Variants in SPOCK1 observed in about 807,000 individuals in gnomAD.
The protein encoded by SPOCK1 is SPARC (osteonectin), cwcv and kazal like domains proteoglycan 1.
Under a neutral mutation model 55.3 loss-of-function variants are expected in SPOCK1, and 23 were observed. The observed-to-expected ratio is 0.42, with a 90% CI of 0.30 to 0.59. SPOCK1 has a LOEUF of 0.59. Among genes scored for constraint, SPOCK1 ranks in the 20% least tolerant of loss-of-function variants. SPOCK1 has a pLI of 0.22. For missense variants in SPOCK1, 499 were observed against 552.5 expected (o/e 0.90, Z 0.97); for synonymous variants, 226 against 221.0 (o/e 1.02, Z -0.20).
At chr5:137,206,082 A>G (rs1016470188) in intron 3 of SPOCK1, among the ~76,000 whole-genome samples, 3 of 152,232 alleles carry the variant, frequency 2.0e-5, no homozygotes, top group Non-Finnish European at 4.4e-5. Context: ...ACTCAAAAGC[A>G]AGATTCAATA....
intron 3 of SPOCK1, among the ~76,000 whole-genome samples, chr5:137,266,260 G>A (rs1030782076): frequency 6.6e-6 from 1 of 152,172 alleles, no homozygotes; most frequent in Non-Finnish European, 1.5e-5. Context: ...AGGTAATACT[G>A]TTTCATTGTG....
At chr5:136,979,276 G>A (rs1251056652) in intron 10 of SPOCK1, 56 bp downstream of exon 10, 20 of 1,609,328 alleles carry the variant, frequency 1.2e-5, no homozygotes, top group Non-Finnish European at 1.6e-5. Flanking sequence ...CTTATGCAGT[G>A]AGGAACCACA....
intron 6 of SPOCK1, among the ~76,000 whole-genome samples, chr5:137,005,844 T>C (rs1751237327): frequency 6.6e-6 from 1 of 152,126 alleles, no homozygotes; most frequent in Non-Finnish European, 1.5e-5. Context: ...TAATTTAAAA[T>C]ACAATTCATT....
intron 7 of SPOCK1, chr5:136,988,878 G>GA (rs1190098230): frequency 2.9e-5 from 12 of 419,836 alleles, no homozygotes; most frequent in Non-Finnish European, 4.7e-5. Flanking sequence ...TTCTAAAGGG[G>GA]AAAAATCCCC....
At chr5:137,416,546 A>C (rs760692269) in intron 2 of SPOCK1, among the ~76,000 whole-genome samples, 1 of 152,166 alleles carries the variant, frequency 6.6e-6, no homozygotes, top group Non-Finnish European at 1.5e-5. Context: ...CAAAAATAAT[A>C]ACGGAACTTG....
chr5:137,297,662 G>A (rs1757515104), intron 2 of SPOCK1, among the ~76,000 whole-genome samples: 1 of 152,096 alleles, frequency 6.6e-6, no homozygotes, highest in African/African-American at 2.4e-5. Flanking sequence ...GAACAGGGTG[G>A]GGAGGTGGGA....
chr5:137,307,548 C>A (rs1461440988), intron 2 of SPOCK1, among the ~76,000 whole-genome samples: 1 of 152,168 alleles, frequency 6.6e-6, no homozygotes, highest in Non-Finnish European at 1.5e-5. Flanking sequence ...GGGTAACACT[C>A]ATAATGGTTT....
Position 136,988,503 on chromosome 5 carries a change from G to T in SPOCK1, c.847C>A (p.Pro283Thr), listed in dbSNP as rs762483512. ...AAGGAGTCACACGAGTTGAAAAGAG[G>T]CTTGATACAGGGCTCGTACTTATCC... ...YLDKYEPCIK[P>T]LFNSCDSFKD... is the part of the protein sequence containing the mutation. The change falls in exon 8 of 11, where the codon CCT becomes ACT. Residue 283 changes from proline (P) to threonine (T), a missense_variant. Transcript: ENST00000394945. 6.2e-7 allele frequency: 1 copy of T among 1,614,156 alleles called. No individual in the cohort carries two copies. The highest frequency in any genetic ancestry group is 8.5e-7 in the Non-Finnish European group (1 of 1,180,022).
intron 3 of SPOCK1, among the ~76,000 whole-genome samples, chr5:137,174,204 C>T (rs1300060198): frequency 6.6e-6 from 1 of 152,182 alleles, no homozygotes; most frequent in Non-Finnish European, 1.5e-5. Context: ...CTAAGCTTTC[C>T]TTCTGGAAAG....
intron 2 of SPOCK1, among the ~76,000 whole-genome samples, chr5:137,479,660 C>T (rs1047058466): frequency 8.5e-5 from 13 of 152,218 alleles, no homozygotes; most frequent in African/African-American, 2.2e-4. Flanking sequence ...TGTGAATGCA[C>T]GGAGATGGAG....
chr5:137,116,937 G>A (rs1435180091), intron 4 of SPOCK1, among the ~76,000 whole-genome samples: 1 of 151,970 alleles, frequency 6.6e-6, no homozygotes, highest in Non-Finnish European at 1.5e-5. Flanking sequence ...AGTTCCCCAG[G>A]AAGCCTCCTA....
intron 3 of SPOCK1, among the ~76,000 whole-genome samples, chr5:137,143,855 G>C (rs533419371): frequency 6.6e-6 from 1 of 152,178 alleles, no homozygotes; most frequent in African/African-American, 2.4e-5. Context: ...TTGCTAATGA[G>C]AGATGCAGGA....
intron 3 of SPOCK1, among the ~76,000 whole-genome samples, chr5:137,189,465 C>T (rs75293627): frequency 0.12 from 17,864 of 152,118 alleles, 1,236 homozygotes; most frequent in East Asian, 0.22. Context: ...AATGGAACAA[C>T]GAAGCTCAGA....
chr5:136,991,498 CT>C (rs1487824358), intron 7 of SPOCK1, among the ~76,000 whole-genome samples: 6 of 152,274 alleles, frequency 3.9e-5, no homozygotes, highest in Admixed American at 1.3e-4. Flanking sequence ...AACTCGGGAT[CT>C]CAACAGTTGC....
At chr5:137,077,484 A>G (rs1476873883) in intron 5 of SPOCK1, among the ~76,000 whole-genome samples, 1 of 152,238 alleles carries the variant, frequency 6.6e-6, no homozygotes. Context: ...GTCAACTGTG[A>G]CTTGTCACTA....
chr5:137,193,933 G>A lies in SPOCK1; in HGVS notation c.233-53239C>T, dbSNP rs7734530. On this transcript the variant is annotated intron_variant, in intron 3 of 10. Transcript: ENST00000394945. ...TGTTAGGAAAGGCAGATTTAATAGT[G>A]TGGAAATTAGAATGGGTGAGAGATG... Among the ~76,000 whole-genome samples, 676 of 152,266 alleles carry A rather than the reference G, an allele frequency of 4.4e-3. 10 individuals carry two copies. The highest frequency in any genetic ancestry group is 0.016 in the African/African-American group (657 of 41,526).
intron 5 of SPOCK1, among the ~76,000 whole-genome samples, chr5:137,078,141 T>C (rs1265333004): frequency 1.3e-5 from 2 of 152,042 alleles, no homozygotes; most frequent in African/African-American, 4.8e-5. Context: ...CCAGAGAGAC[T>C]TGGGAGATGC....
At chr5:136,985,815 GAAAAGAAGTTAGTTTC>G (rs1236899917) in intron 8 of SPOCK1, among the ~76,000 whole-genome samples, 3 of 152,312 alleles carry the variant, frequency 2.0e-5, no homozygotes, top group African/African-American at 7.2e-5. Context: ...GCATGTCATA[GAAAAGAAGTTAGTTTC>G]ATTCTAAGCA....
intron 2 of SPOCK1, among the ~76,000 whole-genome samples, chr5:137,363,694 T>C (rs934279233): frequency 1.3e-5 from 2 of 152,224 alleles, no homozygotes; most frequent in Non-Finnish European, 2.9e-5. Context: ...ACGAGGCAGA[T>C]ACCAGGTGCA....
Sources: allele counts gnomAD v4.1 joint callset (sites outside exome capture counted in the v4.1 genomes callset), GRCh38; gene constraint gnomAD v4.1.1; transcripts MANE v1.5; gene names NCBI Gene and HGNC (gene_info 2026-07-23, HGNC 2026-07-21).